The following NXPE2 variants were observed in gnomAD, a reference collection of about 807,000 sequenced individuals.
NXPE2 encodes the protein NXPE family member 2.
A neutral mutation model predicts 34.4 loss-of-function variants in NXPE2; 34 were observed. The observed-to-expected ratio is 0.99, with a 90% CI of 0.75 to 1.31. NXPE2 has a LOEUF of 1.31. Ranked by LOEUF, NXPE2 falls within the 40% of genes most tolerant of loss-of-function variation. The pLI is 0.00. For missense variants in NXPE2, 649 were observed against 672.5 expected, an observed-to-expected ratio of 0.97 and a Z score of 0.39; for synonymous variants, 235 against 231.3, an observed-to-expected ratio of 1.02 and a Z score of -0.15.
At chr11:114,687,484 G>A (rs1951069793) in intron 2 of NXPE2, among the ~76,000 whole-genome samples, 1 of 151,912 alleles carries the variant, frequency 6.6e-6, no homozygotes, top group East Asian at 1.9e-4. Context: ...GCCTGTTTTT[G>A]TACCAGTACT....
chr11:114,474,266 G>A, the NXPE2 span, among the ~76,000 whole-genome samples: 2 of 152,188 alleles, frequency 1.3e-5, no homozygotes, highest in African/African-American at 4.8e-5. Flanking sequence ...GAATGGATGA[G>A]GTCAACAAGG....
the NXPE2 span, among the ~76,000 whole-genome samples, chr11:114,736,944 C>G: frequency 3.3e-5 from 5 of 152,280 alleles, no homozygotes; most frequent in East Asian, 3.9e-4. Flanking sequence ...AAGCATACTT[C>G]TAAAGCCTGC....
chr11:114,564,917 A>G, the NXPE2 span, among the ~76,000 whole-genome samples: 2 of 152,182 alleles, frequency 1.3e-5, no homozygotes, highest in Non-Finnish European at 2.9e-5. Context: ...ATAAAAGATT[A>G]TCTCTCTAGT....
At chr11:114,626,094 G>A in the NXPE2 span, among the ~76,000 whole-genome samples, 1 of 152,186 alleles carries the variant, frequency 6.6e-6, no homozygotes, top group Non-Finnish European at 1.5e-5. Context: ...CAGCGAGGCT[G>A]GGAGAGGGGC....
the NXPE2 span, among the ~76,000 whole-genome samples, chr11:114,722,131 A>T: frequency 2.6e-5 from 4 of 152,022 alleles, no homozygotes; most frequent in Non-Finnish European, 5.9e-5. Flanking sequence ...ATATTGTTTG[A>T]CTCTGTGTCC....
chr11:114,626,393 G>A, the NXPE2 span, among the ~76,000 whole-genome samples: 1 of 152,184 alleles, frequency 6.6e-6, no homozygotes, highest in Non-Finnish European at 1.5e-5. Context: ...GCCTAACTGG[G>A]AGGCACCCCC....
chr11:114,620,381 G>A, the NXPE2 span, among the ~76,000 whole-genome samples: 33 of 151,394 alleles, frequency 2.2e-4, no homozygotes, highest in African/African-American at 7.3e-4. Context: ...GTGTTGCCTC[G>A]TGGGTAACCA....
At chr11:114,572,424 G>T in the NXPE2 span, among the ~76,000 whole-genome samples, 1 of 152,114 alleles carries the variant, frequency 6.6e-6, no homozygotes, top group Non-Finnish European at 1.5e-5. Context: ...GCTAATCAAG[G>T]AGGCACCAGA....
the NXPE2 span, among the ~76,000 whole-genome samples, chr11:114,468,565 G>T: frequency 7.2e-5 from 11 of 152,152 alleles, no homozygotes; most frequent in Non-Finnish European, 1.6e-4. Flanking sequence ...TTGCCCCCCA[G>T]GGGACATTTG....
chr11:114,729,572 G>T, the NXPE2 span, among the ~76,000 whole-genome samples: 1 of 152,106 alleles, frequency 6.6e-6, no homozygotes, highest in South Asian at 2.1e-4. Context: ...GCCAGCATCG[G>T]TTGCTTTTTG....
the NXPE2 span, among the ~76,000 whole-genome samples, chr11:114,668,036 C>G: frequency 6.6e-6 from 1 of 151,776 alleles, no homozygotes; most frequent in African/African-American, 2.4e-5. Context: ...CAGGTACACA[C>G]AGAAGGAACC....
At chr11:114,625,097 G>C in the NXPE2 span, among the ~76,000 whole-genome samples, 1 of 152,148 alleles carries the variant, frequency 6.6e-6, no homozygotes, top group Non-Finnish European at 1.5e-5. Flanking sequence ...TTACCTGGTG[G>C]ATAATAAGTA....
the NXPE2 span, among the ~76,000 whole-genome samples, chr11:114,565,007 C>G: frequency 6.6e-6 from 1 of 152,132 alleles, no homozygotes; most frequent in South Asian, 2.1e-4. Flanking sequence ...TTTCCAGGAA[C>G]CATTTGTATT....
At chr11:114,525,323 A>G in the NXPE2 span, among the ~76,000 whole-genome samples, 1 of 152,080 alleles carries the variant, frequency 6.6e-6, no homozygotes, top group Non-Finnish European at 1.5e-5. Flanking sequence ...ATAGTCCCCC[A>G]AAGATATCCA....
At chr11:114,521,071 T>G in the NXPE2 span, among the ~76,000 whole-genome samples, 1 of 152,244 alleles carries the variant, frequency 6.6e-6, no homozygotes, top group Non-Finnish European at 1.5e-5. Context: ...AAATGGTGCT[T>G]TCCTAATTCT....
chr11:114,734,695 C>T, the NXPE2 span, among the ~76,000 whole-genome samples: 3 of 152,132 alleles, frequency 2.0e-5, no homozygotes, highest in Non-Finnish European at 4.4e-5. Context: ...TGTGAATTAG[C>T]AGGTTTGGTA....
chr11:114,584,268 A>G, the NXPE2 span: 1 of 497,028 alleles, frequency 2.0e-6, no homozygotes, highest in Non-Finnish European at 4.1e-6. Context: ...AATACTTTGG[A>G]CCATATTTCA....
the NXPE2 span, among the ~76,000 whole-genome samples, chr11:114,639,844 A>AAAATATAATATATATTATATTAAATATT: frequency 1.6e-4 from 18 of 110,488 alleles, no homozygotes; most frequent in Non-Finnish European, 2.8e-4. Context: ...TATTAAATAT[A>AAAATATAATATATATTATATTAAATATT]AAATATAATA....
the NXPE2 span, among the ~76,000 whole-genome samples, chr11:114,473,083 C>T: frequency 6.6e-6 from 1 of 152,070 alleles, no homozygotes; most frequent in Admixed American, 6.6e-5. Context: ...TAATCTCTTT[C>T]TCTGAGAAAA....
Sources: allele counts gnomAD v4.1 joint callset (sites outside exome capture counted in the v4.1 genomes callset), GRCh38; gene constraint gnomAD v4.1.1; transcripts MANE v1.5; gene names NCBI Gene and HGNC (gene_info 2026-07-23, HGNC 2026-07-21).